The following CDCA2 variants were observed in gnomAD, a reference collection of about 807,000 sequenced individuals.
The protein encoded by CDCA2 is cell division cycle-associated protein 2.
Under a neutral mutation model 67.0 loss-of-function variants are expected in CDCA2, and 44 were observed. The observed-to-expected ratio is 0.66, with a 90% confidence interval of 0.52 to 0.84. The LOEUF is 0.84. Ranked by LOEUF, CDCA2 falls within the 40% of genes least tolerant of loss-of-function variation. The pLI, the probability that CDCA2 is intolerant of heterozygous loss-of-function variation, is 0.00. For synonymous variants in CDCA2, 447 were observed against 418.7 expected (o/e 1.07, Z -0.82); for missense variants, 1,253 against 1,203.2 (o/e 1.04, Z -0.61).
At chr8:25,480,727 C>T (rs1424417609) in intron 8 of CDCA2, among the ~76,000 whole-genome samples, 3 of 152,120 alleles carry the variant, frequency 2.0e-5, no homozygotes, top group African/African-American at 7.2e-5. Flanking sequence ...CCAGATAAGT[C>T]TGCTGTTAAA....
Position 25,460,116 on chromosome 8 carries a change from C to T in CDCA2, c.1-124C>T, listed in dbSNP as rs947973318. The T allele has an allele frequency of 4.6e-6, 4 of 872,300 alleles. No individual in the cohort carries two copies. In the African/African-American group the frequency reaches 6.8e-5, roughly 15 times the overall value. The allele number at this position is 872,300 out of a possible 1,614,324, so 54.0% of individuals were successfully genotyped here. A position where few individuals can be genotyped will look rare whatever the true frequency, so the allele number is the denominator to read the frequency against. On this transcript the variant is annotated intron_variant, in intron 1 of 14. Transcript: ENST00000330560. ...CAGAAATTAAAATAAAAAATGAAAC[C>T]TGTGACGTGTGTTTCTATGCCAGTA... is the stretch of plus-strand genomic sequence containing the variant.
At chr8:25,498,446 A>C (rs576549798) in intron 13 of CDCA2, among the ~76,000 whole-genome samples, 3 of 98,210 alleles carry the variant, frequency 3.1e-5, no homozygotes, top group South Asian at 4.4e-4. Flanking sequence ...GTCCTCAGGT[A>C]ATCTGCACCC....
At position 25,498,801 on chromosome 8, in the gene CDCA2, A is replaced by G. The variant is rs576561761; in HGVS notation, c.1672-4572A>G. Among the ~76,000 whole-genome samples the G allele has an allele frequency of 4.6e-5, 7 of 152,218 alleles. No individual in the cohort carries two copies. The East Asian group carries it at 9.7e-4, about 21-fold the overall frequency. On this transcript the variant is annotated intron_variant, in intron 13 of 14. Transcript: ENST00000330560. The stretch of plus-strand genomic sequence containing the variant: ...TTGTCATTTCGAAAAGGTTACCCAA[A>G]TGGAGTCATGTACTGTGTAACTCGG...
At chr8:25,481,664 T>G (rs963012199) in intron 8 of CDCA2, among the ~76,000 whole-genome samples, 6 of 152,042 alleles carry the variant, frequency 3.9e-5, no homozygotes, top group African/African-American at 1.4e-4. Context: ...CACTCCAGCC[T>G]GGGCAACAGA....
At chr8:25,465,163 A>G (rs752294190) in intron 4 of CDCA2, among the ~76,000 whole-genome samples, 9 of 152,136 alleles carry the variant, frequency 5.9e-5, no homozygotes, top group Admixed American at 5.9e-4. Flanking sequence ...TCGTAGAGAC[A>G]TGGTTTCACC....
rs58705872 is a variant in CDCA2, at chr8:25,462,623, CA to C, written c.387+429del. ...TCTGGGCGACAGAGTGAGACTGTCT[CA>C]AAAAAAAAAAAAATGCAGTTAGCCT... On this transcript the variant is annotated intron_variant, in intron 4 of 14. Coordinates refer to ENST00000330560, the MANE Select transcript of CDCA2 (RefSeq NM_152562.4). Among the ~76,000 whole-genome samples, 401 of 101,802 alleles carry C rather than the reference CA, an allele frequency of 3.9e-3. 1 individual carries two copies. The South Asian group carries it at 0.043, about 11-fold the overall frequency. 66.8% of individuals were successfully genotyped at this position (101,802 alleles called of 152,430 possible).
intron 13 of CDCA2, among the ~76,000 whole-genome samples, chr8:25,498,086 G>A (rs1463940771): frequency 6.6e-6 from 1 of 151,918 alleles, no homozygotes; most frequent in Non-Finnish European, 1.5e-5. Flanking sequence ...ATCTTATTGG[G>A]GTCCTGATTA....
intron 13 of CDCA2, among the ~76,000 whole-genome samples, chr8:25,491,691 AC>A (rs1200944643): frequency 1.3e-5 from 2 of 151,952 alleles, no homozygotes; most frequent in Non-Finnish European, 2.9e-5. Flanking sequence ...GTCACTGCTT[AC>A]TGCATGCTTG....
chr8:25,462,886 G>A (rs1366709305), intron 4 of CDCA2, among the ~76,000 whole-genome samples: 1 of 152,106 alleles, frequency 6.6e-6, no homozygotes. Context: ...TCACTATGTT[G>A]CCCAGGCTTA....
chr8:25,472,009 G>C (rs75456324), intron 7 of CDCA2: 6,315 of 152,254 alleles, frequency 0.041, 173 homozygotes, highest in South Asian at 0.1. Context: ...AAGATGTTCC[G>C]AGATGGAATC....
At chr8:25,491,079 A>G (rs960590816) in intron 13 of CDCA2, among the ~76,000 whole-genome samples, 2 of 152,322 alleles carry the variant, frequency 1.3e-5, no homozygotes, top group Non-Finnish European at 1.5e-5. Flanking sequence ...AAGTAAGGAG[A>G]TACTATGAAA....
chr8:25,466,150 C>T (rs199623727), intron 4 of CDCA2, 25 bp from the exon 5 acceptor site: 2 of 1,580,544 alleles, frequency 1.3e-6, no homozygotes, highest in Non-Finnish European at 8.5e-7. Flanking sequence ...TTATAATACT[C>T]CTTGTATATT....
intron 12 of CDCA2, 52 bp downstream of exon 12, chr8:25,487,386 C>T: frequency 8.3e-7 from 1 of 1,203,346 alleles, no homozygotes; most frequent in Non-Finnish European, 1.2e-6. Flanking sequence ...GTGCAATATA[C>T]TTTTCTGTTT....
At chr8:25,465,213 A>T (rs992510605) in intron 4 of CDCA2, among the ~76,000 whole-genome samples, 4 of 152,146 alleles carry the variant, frequency 2.6e-5, no homozygotes, top group Non-Finnish European at 5.9e-5. Context: ...ACCTCAAGTG[A>T]TCCTCCCACC....
In CDCA2 at chr8:25,488,562, G is replaced by A. The variant is rs774826692; in HGVS notation, c.1544G>A (p.Ser515Asn). 1.2e-5 allele frequency: 20 copies of A among 1,608,088 alleles called. No individual in the cohort carries two copies. The East Asian group carries it at 4.0e-4, about 32-fold the overall frequency. Residue 515 changes from serine to asparagine, a missense_variant, in exon 13 of 15, where the codon AGT becomes AAT. Coordinates refer to ENST00000330560, the MANE Select transcript of CDCA2 (RefSeq NM_152562.4). ...ACACTTTCTTTATAGCAATTGGTCA[G>A]TGTTGTAGAAGAGAGTGTTTGCAAC... ...RTSNRRNQLV[S>N]VVEESVCNLL...
Position 25,507,475 on chromosome 8 carries a change from C to G in CDCA2, c.2809C>G (p.Pro937Ala). The G allele has an allele frequency of 6.2e-7, 1 of 1,613,850 alleles. No homozygotes were observed. Among genetic ancestry groups the G allele is most frequent in the Non-Finnish European group, 8.5e-7 (1 of 1,179,950 alleles). The change falls in exon 15 of 15, where the codon CCC becomes GCC. Residue 937 changes from proline (P) to alanine (A), a missense_variant. By Grantham distance (27) the Pro-to-Ala change is conservative. Transcript: ENST00000330560. ...FDSSGFESMSPIKETVSSRQK... is the reference protein window; with the variant it reads ...FDSSGFESMSAIKETVSSRQK... The stretch of plus-strand genomic sequence containing the variant: ...CAGCAGTGGATTTGAAAGTATGTCT[C>G]CCATAAAAGAAACTGTGTCCTCCAG...
intron 7 of CDCA2, among the ~76,000 whole-genome samples, chr8:25,478,884 G>A (rs1586488970): frequency 1.7e-5 from 2 of 117,566 alleles, no homozygotes; most frequent in Non-Finnish European, 3.5e-5. Flanking sequence ...CTTGTTGTGT[G>A]TGTGTATATA....
intron 4 of CDCA2, 124 bp downstream of exon 4, chr8:25,462,332 A>T: frequency 8.7e-7 from 1 of 1,143,412 alleles, no homozygotes; most frequent in Non-Finnish European, 1.3e-6. Flanking sequence ...GTTTTAGAGA[A>T]CATGCAGTTA....
intron 7 of CDCA2, among the ~76,000 whole-genome samples, chr8:25,477,898 GACTTA>G (rs569623217): frequency 4.8e-3 from 728 of 150,886 alleles, no homozygotes; most frequent in Non-Finnish European, 8.1e-3. Flanking sequence ...TCAAATATTG[GACTTA>G]ACTTGATACC....
Sources: gnomAD v4.1 joint callset for allele counts (sites outside exome capture counted in the v4.1 genomes callset) on GRCh38, gnomAD v4.1.1 for gene constraint, MANE v1.5 for transcripts, NCBI Gene and HGNC (gene_info 2026-07-23, HGNC 2026-07-21) for gene names.